The following XPO6 variants were observed in gnomAD, a reference collection of about 807,000 sequenced individuals.
XPO6 encodes the protein exportin-6.
In XPO6, 3 loss-of-function variants were observed where a neutral mutation model predicts 130.0. The ratio of observed to expected loss-of-function variants is 0.02; its 90% confidence interval spans 0.01 to 0.06. The LOEUF (loss-of-function observed/expected upper bound fraction) is 0.06, where lower values mean the gene tolerates loss of function less well. Among genes scored for constraint, XPO6 ranks in the 10% least tolerant of loss-of-function variants. The pLI, the probability that XPO6 is intolerant of heterozygous loss-of-function variation, is 1.00. For missense variants in XPO6, 970 were observed against 1,393.0 expected (o/e 0.70, Z 4.83); for synonymous variants, 524 against 548.9 (o/e 0.95, Z 0.63).
intron 6 of XPO6, among the ~76,000 whole-genome samples, chr16:28,161,713 C>T (rs1213779363): frequency 1.3e-5 from 2 of 152,142 alleles, no homozygotes; most frequent in Non-Finnish European, 2.9e-5. Flanking sequence ...CTAAGGTGGG[C>T]ATTATTACCC....
intron 18 of XPO6, 100 bp downstream of exon 18, chr16:28,107,422 G>T: frequency 7.2e-7 from 1 of 1,384,336 alleles, no homozygotes; most frequent in Non-Finnish European, 1.0e-6. Flanking sequence ...AACAAGTCAA[G>T]GCCTGTACTG....
chr16:28,208,442 G>C (rs895921619), intron 1 of XPO6, among the ~76,000 whole-genome samples: 22 of 152,108 alleles, frequency 1.4e-4, no homozygotes, highest in Admixed American at 1.2e-3. Context: ...TTACCTTTGG[G>C]GGACAGGGCC....
intron 1 of XPO6, among the ~76,000 whole-genome samples, chr16:28,183,736 A>C (rs1471470521): frequency 6.6e-6 from 1 of 152,208 alleles, no homozygotes; most frequent in Non-Finnish European, 1.5e-5. Context: ...AGACCAAAGC[A>C]AAACAACAAA....
intron 12 of XPO6, among the ~76,000 whole-genome samples, chr16:28,129,657 T>C (rs1427867292): frequency 6.6e-6 from 1 of 151,892 alleles, no homozygotes; most frequent in Non-Finnish European, 1.5e-5. Flanking sequence ...TTGAGGGAGG[T>C]CTAAAAATTA....
At chr16:28,147,548 T>C (rs2043006696) in intron 8 of XPO6, among the ~76,000 whole-genome samples, 1 of 151,988 alleles carries the variant, frequency 6.6e-6, no homozygotes, top group African/African-American at 2.4e-5. Flanking sequence ...GAAAACAAAA[T>C]GACCAAGTCC....
chr16:28,180,893 G>C, intron 2 of XPO6, 48 bp downstream of exon 2: 1 of 1,495,326 alleles, frequency 6.7e-7, no homozygotes, highest in South Asian at 1.2e-5. Context: ...CTCCCTACCA[G>C]GGCCTCCTCA....
intron 15 of XPO6, among the ~76,000 whole-genome samples, chr16:28,114,634 G>A (rs892534441): frequency 2.0e-5 from 3 of 152,252 alleles, no homozygotes; most frequent in African/African-American, 7.2e-5. Flanking sequence ...TTCCTTGAAA[G>A]TGACTGCTGC....
intron 23 of XPO6, among the ~76,000 whole-genome samples, chr16:28,100,731 G>C (rs572594970): frequency 5.3e-5 from 8 of 152,360 alleles, no homozygotes; most frequent in African/African-American, 1.9e-4. Context: ...AGGCAAGAGA[G>C]AGGCCTGGTC....
chr16:28,134,224 T>C (rs2042731279), intron 10 of XPO6, among the ~76,000 whole-genome samples: 1 of 152,210 alleles, frequency 6.6e-6, no homozygotes, highest in African/African-American at 2.4e-5. Flanking sequence ...TTGGAAATGA[T>C]CACGCATCAC....
Position 28,098,508 on chromosome 16 carries a change from A to G in XPO6, c.*30T>C. ...TAGGGCTGGCGCAGGTGGCAGCAGCAGAAGTCCGTGTCCCCAGGCAGTAGC... is the reference window on the plus strand; with the variant it reads ...TAGGGCTGGCGCAGGTGGCAGCAGCGGAAGTCCGTGTCCCCAGGCAGTAGC... On this transcript the variant is annotated 3_prime_UTR_variant, in exon 24 of 24. Coordinates refer to ENST00000304658, the MANE Select transcript of XPO6 (RefSeq NM_015171.4). 6.3e-7 allele frequency: 1 copy of G among 1,584,822 alleles called. No individual in the cohort carries two copies. Among genetic ancestry groups the G allele is most frequent in the Non-Finnish European group, 8.6e-7 (1 of 1,159,510 alleles).
At chr16:28,184,524 C>T (rs769036843) in intron 1 of XPO6, among the ~76,000 whole-genome samples, 1 of 150,674 alleles carries the variant, frequency 6.6e-6, no homozygotes, top group Non-Finnish European at 1.5e-5. Flanking sequence ...TAAAAGAAAG[C>T]CACAAAATAG....
intron 17 of XPO6, among the ~76,000 whole-genome samples, chr16:28,109,788 C>G (rs1282939244): frequency 6.6e-6 from 1 of 152,172 alleles, no homozygotes; most frequent in Non-Finnish European, 1.5e-5. Flanking sequence ...TTGGTAACAA[C>G]TGGGGAAAGT....
intron 6 of XPO6, among the ~76,000 whole-genome samples, chr16:28,157,195 G>C (rs1036440682): frequency 6.6e-6 from 1 of 152,160 alleles, no homozygotes; most frequent in African/African-American, 2.4e-5. Flanking sequence ...GGTGGCTCAT[G>C]CCTGTAATCA....
intron 4 of XPO6, among the ~76,000 whole-genome samples, chr16:28,171,261 T>C (rs769608692): frequency 2.6e-5 from 4 of 151,814 alleles, no homozygotes; most frequent in Non-Finnish European, 5.9e-5. Context: ...GAGACCAACC[T>C]GGCCAACATG....
chr16:28,211,328 G>A (rs1003761441), intron 1 of XPO6, 38 bp downstream of exon 1: 2 of 1,311,494 alleles, frequency 1.5e-6, no homozygotes, highest in South Asian at 3.2e-5. Flanking sequence ...CTTCCGGTAG[G>A]GCACCCCAGG....
chr16:28,158,348 A>C (rs2043215804), intron 6 of XPO6, among the ~76,000 whole-genome samples: 2 of 152,232 alleles, frequency 1.3e-5, no homozygotes, highest in Admixed American at 1.3e-4. Flanking sequence ...TCCAGAGGCT[A>C]CATCACATGG....
chr16:28,208,337 A>G (rs1275351029), intron 1 of XPO6, among the ~76,000 whole-genome samples: 1 of 152,226 alleles, frequency 6.6e-6, no homozygotes, highest in Non-Finnish European at 1.5e-5. Flanking sequence ...TTAAGTCAGC[A>G]AGAAATGGAG....
chr16:28,179,264 A>G (rs968625373), intron 2 of XPO6: 1 of 152,250 alleles, frequency 6.6e-6, no homozygotes, highest in Non-Finnish European at 1.5e-5. Context: ...GAGTCTTGCT[A>G]TATTACCCAG....
chr16:28,144,814 C>T (rs2042955665), intron 9 of XPO6, among the ~76,000 whole-genome samples: 1 of 152,200 alleles, frequency 6.6e-6, no homozygotes, highest in African/African-American at 2.4e-5. Context: ...TTTTCATCCT[C>T]ATTTTACAAA....
Sources: gnomAD v4.1 joint callset for allele counts (sites outside exome capture counted in the v4.1 genomes callset) on GRCh38, gnomAD v4.1.1 for gene constraint, MANE v1.5 for transcripts, NCBI Gene and HGNC (gene_info 2026-07-23, HGNC 2026-07-21) for gene names.